PRDM16: variants seen among roughly 807,000 people sequenced by gnomAD.
PRDM16 encodes histone-lysine N-methyltransferase PRDM16.
A neutral mutation model predicts 110.6 loss-of-function variants in PRDM16; 23 were observed. The ratio of observed to expected loss-of-function variants is 0.21; its 90% CI spans 0.15 to 0.29. The LOEUF is 0.29. Ranked by LOEUF, PRDM16 falls within the 10% of genes least tolerant of loss-of-function variation. The pLI is 1.00. For synonymous variants in PRDM16, 799 were observed against 781.8 expected (o/e 1.02, Z -0.37); for missense variants, 1,615 against 1,794.3 (o/e 0.90, Z 1.81).
chr1:3,188,413 G>A (rs1458249727), intron 2 of PRDM16, among the ~76,000 whole-genome samples: 1 of 152,152 alleles, frequency 6.6e-6, no homozygotes, highest in Non-Finnish European at 1.5e-5. Flanking sequence ...TGTCCGCGTG[G>A]TGCCAGGCCC....
At chr1:3,181,365 TAC>T (rs200588998) in intron 1 of PRDM16, among the ~76,000 whole-genome samples, 7 of 58,202 alleles carry the variant, frequency 1.2e-4, no homozygotes, top group Non-Finnish European at 1.7e-4. Context: ...CACACGGTCT[TAC>T]ACACGCAGTC....
At chr1:3,116,813 G>A (rs2100653830) in intron 1 of PRDM16, among the ~76,000 whole-genome samples, 1 of 152,324 alleles carries the variant, frequency 6.6e-6, no homozygotes, top group South Asian at 2.1e-4. Flanking sequence ...GTGACTTGGT[G>A]GAGGGCTTGG....
intron 1 of PRDM16, among the ~76,000 whole-genome samples, chr1:3,102,518 G>A (rs899779346): frequency 2.0e-5 from 3 of 152,170 alleles, no homozygotes; most frequent in East Asian, 1.9e-4. Flanking sequence ...CTGGCATCCC[G>A]GCCTAGACAG....
At chr1:3,200,632 G>A (rs979368352) in intron 2 of PRDM16, among the ~76,000 whole-genome samples, 2 of 152,304 alleles carry the variant, frequency 1.3e-5, no homozygotes, top group Admixed American at 6.5e-5. Context: ...GTGAGCCACC[G>A]CGCCCAGCCT....
chr1:3,403,149 C>A (rs1026620266), intron 6 of PRDM16, 151 bp downstream of exon 6: 43 of 753,386 alleles, frequency 5.7e-5, no homozygotes, highest in Non-Finnish European at 8.1e-5. Context: ...TGGTGGGACA[C>A]ACCCTGGGGA....
Position 3,141,913 on chromosome 1 carries a change from G to C in PRDM16, c.38-44212G>C, listed in dbSNP as rs1048361952. Among the ~76,000 whole-genome samples, 79 of 152,360 alleles carry C rather than the reference G, an allele frequency of 5.2e-4. 2 individuals are homozygous for C. The highest frequency in any genetic ancestry group is 3.4e-3 in the Middle Eastern group (1 of 294). On this transcript the variant is annotated intron_variant, in intron 1 of 16. Transcript: ENST00000270722. ...CTGTGCGGAAGCATGTGCTGCCCAC[G>C]GTAGGGGATTTTTACCTTTTCTGGC...
rs752476219 is a variant in PRDM16 at position 3,412,639 on chromosome 1, C to A, written c.2442C>A (p.Ser814Arg). ...DLSIGSRARA[S>R]QNGGGREPRK... Reference sequence around the variant, plus strand: ...GCATCGGCAGCCGGGCCCGTGCCAGCCAAAACGGCGGCGGGCGGGAGCCCC... The same window carrying A: ...GCATCGGCAGCCGGGCCCGTGCCAGACAAAACGGCGGCGGGCGGGAGCCCC... Residue 814 changes from serine (S) to arginine (R), a missense_variant, in exon 9 of 17, where the codon AGC becomes AGA. By Grantham distance (110) the Ser-to-Arg change is moderately radical. This residue lies in a region of PRDM16 where 772 missense variants were observed against 748.3 expected (regional missense o/e 1.03). Transcript: ENST00000270722. 95 of 1,568,556 alleles carry A rather than the reference C, an allele frequency of 6.1e-5. No individual in the cohort carries two copies. The highest frequency in any genetic ancestry group is 7.8e-5 in the Non-Finnish European group (90 of 1,157,080).
At chr1:3,114,400 GCACA>G in intron 1 of PRDM16, among the ~76,000 whole-genome samples, 1 of 97,870 alleles carries the variant, frequency 1.0e-5, no homozygotes, top group Non-Finnish European at 2.2e-5. Flanking sequence ...GCACGCACGC[GCACA>G]CACACGCACA....
Position 3,381,131 on chromosome 1 carries a change from G to A in PRDM16, c.439-4021G>A, listed in dbSNP as rs369394536. Among the ~76,000 whole-genome samples, 50 of 152,292 alleles carry A rather than the reference G, an allele frequency of 3.3e-4. 1 individual carries two copies. The East Asian group carries it at 3.5e-3, about 11-fold the overall frequency. On this transcript the variant is annotated intron_variant, in intron 3 of 16. Transcript: ENST00000270722. ...CTGCTCACCAAAGGCTTCTCGCCGC[G>A]TTCCCCCAGGACAAGCACACATACA...
In PRDM16 at chr1:3,143,132, G is replaced by A. The variant is rs1452185277; in HGVS notation, c.38-42993G>A. Among the ~76,000 whole-genome samples, 1 of 152,200 alleles carries A rather than the reference G, an allele frequency of 6.6e-6. No homozygotes were observed. The highest frequency in any genetic ancestry group is 1.5e-5 in the Non-Finnish European group (1 of 68,028). The stretch of plus-strand genomic sequence containing the variant: ...CGCCTGTCATTTAAAATGAAAGTAA[G>A]AAGGGAGACCTTGTGGCAACCGCAG... On this transcript the variant is annotated intron_variant, in intron 1 of 16. Coordinates refer to ENST00000270722, the MANE Select transcript of PRDM16 (RefSeq NM_022114.4). The surrounding 1 kb of genome is among the most constrained non-coding windows in gnomAD (Gnocchi z 4.5).
At chr1:3,275,929 C>G (rs941461865) in intron 3 of PRDM16, among the ~76,000 whole-genome samples, 3 of 152,240 alleles carry the variant, frequency 2.0e-5, no homozygotes, top group African/African-American at 7.2e-5. Context: ...CCATGTTTCC[C>G]TTTCTCTGTG....
chr1:3,094,910 T>A lies in PRDM16; in HGVS notation c.37+25614T>A, dbSNP rs192819734. Among the ~76,000 whole-genome samples the A allele has an allele frequency of 1.4e-3, 209 of 152,274 alleles. 1 individual carries two copies. Among genetic ancestry groups the A allele is most frequent in the African/African-American group, 4.9e-3 (203 of 41,568 alleles). On this transcript the variant is annotated intron_variant, in intron 1 of 16. Coordinates refer to ENST00000270722, the MANE Select transcript of PRDM16 (RefSeq NM_022114.4). ...TCTTCCTTCCTGGTCTTTTCCGACG[T>A]GGATGGAGCCACACAGCCCGGAACC...
rs572195278 is a variant in PRDM16, at chr1:3,173,983, T to C, written c.38-12142T>C. On this transcript the variant is annotated intron_variant, in intron 1 of 16. Transcript: ENST00000270722. ...CCCGTGCTATGGTCGCTTTGGTCTT[T>C]GTGTGAGTGTCTTGGGTCTGCTTTA... is the stretch of plus-strand genomic sequence containing the variant. 2.0e-5 allele frequency among the ~76,000 whole-genome samples: 3 copies of C among 152,330 alleles called. No individual in the cohort carries two copies. In the East Asian group the frequency reaches 5.8e-4, roughly 29 times the overall value.
Position 3,355,626 on chromosome 1 carries a change from TG to T in PRDM16, c.439-29520del, listed in dbSNP as rs776450334. ...CGCTCGACGGTGGGTGCTCTCCTGC[TG>T]GGGGGACCGCTATCCTGGCCACACA... On this transcript the variant is annotated intron_variant, in intron 3 of 16. Transcript: ENST00000270722. Among the ~76,000 whole-genome samples, 18 of 152,216 alleles carry T rather than the reference TG, an allele frequency of 1.2e-4. 2 individuals carry two copies. The highest frequency in any genetic ancestry group is 4.6e-4 in the Admixed American group (7 of 15,298).
intron 3 of PRDM16, among the ~76,000 whole-genome samples, chr1:3,321,672 CGTGT>C (rs755944938): frequency 3.3e-5 from 5 of 150,198 alleles, no homozygotes; most frequent in African/African-American, 7.4e-5. Flanking sequence ...TGTGGGTGCA[CGTGT>C]GTGTGTGGGT....
intron 1 of PRDM16, among the ~76,000 whole-genome samples, chr1:3,183,726 T>G (rs1228002488): frequency 6.6e-6 from 1 of 152,184 alleles, no homozygotes; most frequent in Non-Finnish European, 1.5e-5. Flanking sequence ...TCAGGGGTTT[T>G]GGGAAGTAGA....
intron 3 of PRDM16, among the ~76,000 whole-genome samples, chr1:3,284,748 G>T (rs1289113362): frequency 6.6e-6 from 1 of 152,226 alleles, no homozygotes; most frequent in Non-Finnish European, 1.5e-5. Flanking sequence ...AAACGGCCAT[G>T]CGTCTTGGGG....
At chr1:3,304,649 G>A (rs1487250406) in intron 3 of PRDM16, among the ~76,000 whole-genome samples, 1 of 152,136 alleles carries the variant, frequency 6.6e-6, no homozygotes, top group Non-Finnish European at 1.5e-5. Flanking sequence ...TAGGTTTTTT[G>A]TGTGCATTGA....
Position 3,201,790 on chromosome 1 carries a change from G to A in PRDM16, c.387+15316G>A, listed in dbSNP as rs1638634493. Among the ~76,000 whole-genome samples the A allele has an allele frequency of 6.6e-6, 1 of 152,198 alleles. No homozygotes were observed. Among genetic ancestry groups the A allele is most frequent in the Non-Finnish European group, 1.5e-5 (1 of 68,028 alleles). On this transcript the variant is annotated intron_variant, in intron 2 of 16. Coordinates refer to ENST00000270722, the MANE Select transcript of PRDM16 (RefSeq NM_022114.4). The surrounding 1 kb of genome is among the most constrained non-coding windows in gnomAD (Gnocchi z 4.1). ...TTCCACGCGAGCCCTCTCCCACCTG[G>A]CCTCTGTTTCTACCTCGGGTTGGTG... is the stretch of plus-strand genomic sequence containing the variant.
Sources: allele counts gnomAD v4.1 joint callset (sites outside exome capture counted in the v4.1 genomes callset), GRCh38; gene constraint gnomAD v4.1.1; regional missense constraint gnomAD v4.1.1; non-coding constraint Gnocchi (gnomAD v3.1); transcripts MANE v1.5; gene names NCBI Gene and HGNC (gene_info 2026-07-23, HGNC 2026-07-21).